NKAIN2: variants seen among roughly 807,000 people sequenced by gnomAD.
NKAIN2 encodes the protein sodium/potassium transporting ATPase interacting 2, also known as sodium/potassium-transporting ATPase subunit beta-1-interacting protein 2.
Under a neutral mutation model 32.6 loss-of-function variants are expected in NKAIN2, and 14 were observed. The observed-to-expected ratio is 0.43, with a 90% confidence interval of 0.28 to 0.67. The LOEUF (loss-of-function observed/expected upper bound fraction) is 0.67. Ranked by LOEUF, NKAIN2 falls within the 30% of genes least tolerant of loss-of-function variation. The pLI, the probability that NKAIN2 is intolerant of heterozygous loss-of-function variation, is 0.17. For missense variants in NKAIN2, 198 were observed against 258.3 expected (o/e 0.77, Z 1.60); for synonymous variants, 80 against 87.2 (o/e 0.92, Z 0.46).
chr6:124,035,351 G>A (rs1781566288), intron 1 of NKAIN2, among the ~76,000 whole-genome samples: 1 of 152,044 alleles, frequency 6.6e-6, no homozygotes, highest in African/African-American at 2.4e-5. Context: ...TTATCCAGAA[G>A]AATACCTTTT....
chr6:123,980,477 A>T (rs2114663192), intron 1 of NKAIN2, among the ~76,000 whole-genome samples: 1 of 152,342 alleles, frequency 6.6e-6, no homozygotes, highest in African/African-American at 2.4e-5. Context: ...GTAGAGGTTT[A>T]AAACCTAAGT....
chr6:124,382,561 G>C (rs1772693483), intron 3 of NKAIN2, among the ~76,000 whole-genome samples: 1 of 152,166 alleles, frequency 6.6e-6, no homozygotes, highest in Non-Finnish European at 1.5e-5. Context: ...TTCTCTGCCA[G>C]ATTGTCATAG....
At chr6:123,809,375 T>G (rs1350386691) in intron 1 of NKAIN2, among the ~76,000 whole-genome samples, 1 of 152,152 alleles carries the variant, frequency 6.6e-6, no homozygotes, top group East Asian at 1.9e-4. Flanking sequence ...AGTACTCTAT[T>G]TATTCCTAAT....
chr6:123,930,752 C>T (rs1018010985), intron 1 of NKAIN2, among the ~76,000 whole-genome samples: 1 of 152,138 alleles, frequency 6.6e-6, no homozygotes, highest in African/African-American at 2.4e-5. Context: ...GACTACTTTG[C>T]AGACATTTAG....
chr6:124,590,102 T>A (rs1391874577), intron 3 of NKAIN2, among the ~76,000 whole-genome samples: 1 of 152,184 alleles, frequency 6.6e-6, no homozygotes, highest in African/African-American at 2.4e-5. Context: ...CCTGAGCTGC[T>A]GGCTGTGAGT....
intron 1 of NKAIN2, among the ~76,000 whole-genome samples, chr6:124,004,517 A>G (rs921131359): frequency 6.6e-6 from 1 of 152,060 alleles, no homozygotes; most frequent in African/African-American, 2.4e-5. Context: ...CTTTGTTTCA[A>G]AGGTGAACTT....
At position 123,912,791 on chromosome 6, in the gene NKAIN2, T is replaced by A. The variant is rs149372697; in HGVS notation, c.54+108537T>A. Among the ~76,000 whole-genome samples the A allele has an allele frequency of 2.6e-3, 399 of 152,336 alleles. 1 individual carries two copies. Among genetic ancestry groups the A allele is most frequent in the African/African-American group, 8.9e-3 (369 of 41,580 alleles). ...GCACCAGCCAAATAAATCCCTTTTT[T>A]AAATAAATTATTCAGCCTCAGGTAT... On this transcript the variant is annotated intron_variant, in intron 1 of 6. Coordinates refer to ENST00000368417, the MANE Select transcript of NKAIN2 (RefSeq NM_001040214.3).
intron 1 of NKAIN2, among the ~76,000 whole-genome samples, chr6:124,185,918 T>C (rs968625151): frequency 8.6e-5 from 13 of 152,038 alleles, no homozygotes; most frequent in Non-Finnish European, 1.3e-4. Context: ...ATAATTTTGT[T>C]AGAAGACAAA....
chr6:124,205,741 G>A (rs1009789393), intron 1 of NKAIN2, among the ~76,000 whole-genome samples: 1 of 151,730 alleles, frequency 6.6e-6, no homozygotes, highest in Non-Finnish European at 1.5e-5. Context: ...AGTAAAGAAG[G>A]AAAGTCATTA....
At chr6:124,250,389 C>A (rs1182816146) in intron 1 of NKAIN2, among the ~76,000 whole-genome samples, 1 of 151,918 alleles carries the variant, frequency 6.6e-6, no homozygotes, top group Non-Finnish European at 1.5e-5. Context: ...AAAATAATTA[C>A]AACTAGGCAT....
chr6:124,191,366 G>T (rs920943964), intron 1 of NKAIN2, among the ~76,000 whole-genome samples: 1 of 151,720 alleles, frequency 6.6e-6, no homozygotes, highest in Non-Finnish European at 1.5e-5. Context: ...GTATGGTTTT[G>T]CTGCTATGAT....
At chr6:124,670,218 C>T (rs1773030873) in intron 4 of NKAIN2, among the ~76,000 whole-genome samples, 1 of 152,016 alleles carries the variant, frequency 6.6e-6, no homozygotes, top group Admixed American at 6.6e-5. Context: ...GTTACTCATC[C>T]ATTCGATTAT....
chr6:124,588,354 A>G (rs1291191028), intron 3 of NKAIN2, among the ~76,000 whole-genome samples: 2 of 152,136 alleles, frequency 1.3e-5, no homozygotes, highest in Non-Finnish European at 2.9e-5. Flanking sequence ...TGCAATTTTT[A>G]TTTAAAAAAT....
At chr6:124,239,029 A>G (rs1792932960) in intron 1 of NKAIN2, among the ~76,000 whole-genome samples, 1 of 152,184 alleles carries the variant, frequency 6.6e-6, no homozygotes, top group Admixed American at 6.6e-5. Flanking sequence ...TCTCACATGC[A>G]AAGACACACA....
In NKAIN2 at chr6:124,139,440, A is replaced by G. The variant is rs569065058; in HGVS notation, c.55-143565A>G. 2.6e-5 allele frequency among the ~76,000 whole-genome samples: 4 copies of G among 152,312 alleles called. No homozygotes were observed. In the East Asian group the frequency reaches 7.7e-4, roughly 29 times the overall value. On this transcript the variant is annotated intron_variant, in intron 1 of 6. Coordinates refer to ENST00000368417, the MANE Select transcript of NKAIN2 (RefSeq NM_001040214.3). The stretch of plus-strand genomic sequence containing the variant: ...TAAAATAAAATTGGATCCTCTGCCA[A>G]ACTGTAAGCTGTTAAAAGTAGGAGC...
intron 1 of NKAIN2, among the ~76,000 whole-genome samples, chr6:124,270,939 A>G (rs1330546677): frequency 6.6e-6 from 1 of 152,090 alleles, no homozygotes; most frequent in Non-Finnish European, 1.5e-5. Flanking sequence ...TTGTGTCCCC[A>G]CCCAAATCTC....
At chr6:124,418,923 G>A (rs1473402939) in intron 3 of NKAIN2, among the ~76,000 whole-genome samples, 1 of 152,014 alleles carries the variant, frequency 6.6e-6, no homozygotes, top group Admixed American at 6.6e-5. Context: ...TTTCTCAGGG[G>A]ACTTTACATC....
At chr6:124,408,949 C>T (rs1215218090) in intron 3 of NKAIN2, among the ~76,000 whole-genome samples, 2 of 152,046 alleles carry the variant, frequency 1.3e-5, no homozygotes, top group Non-Finnish European at 2.9e-5. Flanking sequence ...ATTTTATTGT[C>T]TTTGAAGCAA....
intron 1 of NKAIN2, among the ~76,000 whole-genome samples, chr6:124,192,050 C>T (rs559002347): frequency 9.2e-5 from 14 of 152,116 alleles, no homozygotes; most frequent in Admixed American, 1.3e-4. Context: ...GAAGACTCCA[C>T]GTTTGCTTTG....
Sources: allele counts gnomAD v4.1 joint callset (sites outside exome capture counted in the v4.1 genomes callset), GRCh38; gene constraint gnomAD v4.1.1; transcripts MANE v1.5; gene names NCBI Gene and HGNC (gene_info 2026-07-23, HGNC 2026-07-21).